Variants in PRDM11 observed in about 807,000 individuals in gnomAD.
The protein encoded by PRDM11 is PR domain-containing protein 11.
PRDM11 carries 20 observed loss-of-function variants against 97.8 expected under a neutral mutation model. That is an observed-to-expected ratio of 0.20 (90% CI 0.14 to 0.30). The LOEUF (loss-of-function observed/expected upper bound fraction) is 0.30, where lower values mean the gene tolerates loss of function less well. Ranked by LOEUF, PRDM11 falls within the 10% of genes least tolerant of loss-of-function variation. The pLI is 1.00. For missense variants in PRDM11, 1,139 were observed against 1,555.2 expected, an observed-to-expected ratio of 0.73 and a Z score of 4.50; for synonymous variants, 599 against 637.7, an observed-to-expected ratio of 0.94 and a Z score of 0.91.
At chr11:45,186,346 C>G (rs1485925807) in intron 4 of PRDM11, among the ~76,000 whole-genome samples, 1 of 152,128 alleles carries the variant, frequency 6.6e-6, no homozygotes, top group Admixed American at 6.5e-5. Flanking sequence ...CCGTGAGATG[C>G]TCAGGGGAGC....
chr11:45,111,043 C>T (rs1852167317), intron 1 of PRDM11, among the ~76,000 whole-genome samples: 1 of 152,078 alleles, frequency 6.6e-6, no homozygotes, highest in South Asian at 2.1e-4. Flanking sequence ...CTGCCACCTC[C>T]CCACCTCATC....
At chr11:45,213,088 T>G (rs556981553) in intron 5 of PRDM11, 52 of 453,840 alleles carry the variant, frequency 1.1e-4, no homozygotes, top group Non-Finnish European at 2.1e-4. Flanking sequence ...AGGAGGGATG[T>G]CTGGCCTCAC....
chr11:45,109,861 G>C (rs1852136962), intron 1 of PRDM11, among the ~76,000 whole-genome samples: 1 of 152,190 alleles, frequency 6.6e-6, no homozygotes, highest in South Asian at 2.1e-4. Context: ...CTGGTTCCAT[G>C]ATACTCTCTA....
At chr11:45,124,905 G>C (rs1852528351) in intron 1 of PRDM11, among the ~76,000 whole-genome samples, 1 of 152,200 alleles carries the variant, frequency 6.6e-6, no homozygotes, top group Non-Finnish European at 1.5e-5. Context: ...AATAGTTTCA[G>C]AAGGAATGGT....
intron 1 of PRDM11, among the ~76,000 whole-genome samples, chr11:45,171,575 G>A (rs12363718): frequency 1.3e-5 from 2 of 152,186 alleles, no homozygotes; most frequent in South Asian, 4.1e-4. Context: ...CACCCTGTTT[G>A]CCCCTTTGTA....
chr11:45,156,823 C>A (rs1473669431), intron 1 of PRDM11, among the ~76,000 whole-genome samples: 1 of 151,928 alleles, frequency 6.6e-6, no homozygotes, highest in African/African-American at 2.4e-5. Flanking sequence ...ATGAGCTGGA[C>A]CTTGAGGGAG....
intron 1 of PRDM11, among the ~76,000 whole-genome samples, chr11:45,171,352 G>A (rs151128536): frequency 6.6e-6 from 1 of 152,214 alleles, no homozygotes; most frequent in African/African-American, 2.4e-5. Context: ...CACCCACCTC[G>A]GCCTCCCAAA....
At chr11:45,094,571 G>A (rs1430636512), upstream of PRDM11, among the ~76,000 whole-genome samples, 1 of 142,624 alleles carries the variant, frequency 7.0e-6, no homozygotes, top group Admixed American at 7.1e-5. Flanking sequence ...AGGAGAGGAG[G>A]GGAAAGGAGA....
intron 1 of PRDM11, among the ~76,000 whole-genome samples, chr11:45,104,929 T>C (rs1343085084): frequency 6.6e-6 from 1 of 152,238 alleles, no homozygotes; most frequent in African/African-American, 2.4e-5. Flanking sequence ...ACAGGGGTCA[T>C]GTAATTCCAC....
At chr11:45,147,245 T>G (rs1160391383) in intron 1 of PRDM11, 1 of 150,428 alleles carries the variant, frequency 6.6e-6, no homozygotes, top group African/African-American at 2.5e-5. Flanking sequence ...CCAATGGGAG[T>G]GGCGGCCCGG....
Position 45,186,268 on chromosome 11 carries a change from G to A in PRDM11, c.486+3145G>A, listed in dbSNP as rs12291378. ...ACTAAAATATGCAGGGAGGTGGATT[G>A]AGGTGGCCTGAAATCGAGGAGATCA... On this transcript the variant is annotated intron_variant, in intron 4 of 7. Transcript: ENST00000683152. Among the ~76,000 whole-genome samples, 262 of 149,180 alleles carry A rather than the reference G, an allele frequency of 1.8e-3. 1 individual carries two copies. The highest frequency in any genetic ancestry group is 5.7e-3 in the African/African-American group (226 of 39,460).
intron 1 of PRDM11, among the ~76,000 whole-genome samples, chr11:45,111,578 G>C (rs1852181622): frequency 6.6e-6 from 1 of 152,128 alleles, no homozygotes; most frequent in Non-Finnish European, 1.5e-5. Context: ...ATGCTTTGAT[G>C]AGGTGACCAG....
chr11:45,119,148 A>G (rs1016548177), intron 1 of PRDM11, among the ~76,000 whole-genome samples: 1 of 152,224 alleles, frequency 6.6e-6, no homozygotes, highest in Non-Finnish European at 1.5e-5. Flanking sequence ...ATGACAAAGG[A>G]GAAACTCTTG....
intron 1 of PRDM11, among the ~76,000 whole-genome samples, chr11:45,148,982 C>T (rs1455319099): frequency 1.3e-5 from 2 of 152,100 alleles, no homozygotes; most frequent in Non-Finnish European, 2.9e-5. Context: ...GCACACTGTC[C>T]CACTACTCTT....
intron 1 of PRDM11, among the ~76,000 whole-genome samples, chr11:45,116,827 A>G (rs1291565778): frequency 1.3e-5 from 2 of 152,228 alleles, no homozygotes; most frequent in Non-Finnish European, 2.9e-5. Flanking sequence ...TGAGCCTGGA[A>G]CATCTTGTAG....
At chr11:45,149,832 T>G (rs1385139040) in intron 1 of PRDM11, among the ~76,000 whole-genome samples, 2 of 152,244 alleles carry the variant, frequency 1.3e-5, no homozygotes, top group Admixed American at 6.5e-5. Flanking sequence ...ACTGCTGAGC[T>G]GTTGGGGCTG....
At chr11:45,190,010 G>T (rs527303561) in intron 4 of PRDM11, among the ~76,000 whole-genome samples, 2 of 152,254 alleles carry the variant, frequency 1.3e-5, no homozygotes, top group South Asian at 2.1e-4. Flanking sequence ...AAACTCGGTT[G>T]AAAAGTTGCA....
At chr11:45,194,493 T>C (rs865816820) in intron 4 of PRDM11, among the ~76,000 whole-genome samples, 2 of 150,292 alleles carry the variant, frequency 1.3e-5, no homozygotes, top group African/African-American at 4.9e-5. Flanking sequence ...TGAACAACAA[T>C]AACAACAATA....
chr11:45,227,698 G>C lies in PRDM11; in HGVS notation c.3073G>C (p.Asp1025His), dbSNP rs529964583. 12 of 1,533,870 alleles carry C rather than the reference G, an allele frequency of 7.8e-6. No individual in the cohort carries two copies. The highest frequency in any genetic ancestry group is 2.7e-5 in the African/African-American group (2 of 72,974). ...GGAGGCCATCCCGACCTTTTCCCGG[G>C]ATGTCTGTAGGGAAGGGCTGGACCC... ...HLEAIPTFSR[D>H]VCREGLDPRG... Residue 1025 changes from aspartate (D) to histidine (H), a missense_variant, in exon 8 of 8, where the codon GAT becomes CAT. This residue lies in a region of PRDM11 where 710 missense variants were observed against 1,044.9 expected (regional missense o/e 0.68). Transcript: ENST00000683152. The surrounding 1 kb of genome is among the most constrained non-coding windows in gnomAD (Gnocchi z 8.0).
Sources: gnomAD v4.1 joint callset for allele counts (sites outside exome capture counted in the v4.1 genomes callset) on GRCh38, gnomAD v4.1.1 for gene constraint, gnomAD v4.1.1 regional missense constraint, Gnocchi (gnomAD v3.1) non-coding constraint, MANE v1.5 for transcripts, NCBI Gene and HGNC (gene_info 2026-07-23, HGNC 2026-07-21) for gene names.